TEX26: variants seen among roughly 807,000 people sequenced by gnomAD.
TEX26 encodes testis-expressed protein 26.
Under a neutral mutation model 35.3 loss-of-function variants are expected in TEX26, and 34 were observed. The observed-to-expected ratio is 0.96, with a 90% confidence interval of 0.73 to 1.28. The LOEUF is 1.28. Among genes scored for constraint, TEX26 ranks in the 50% most tolerant of loss-of-function variants. The pLI is 0.00. For missense variants in TEX26, 371 were observed against 330.1 expected (o/e 1.12, Z -0.96); for synonymous variants, 136 against 111.8 (o/e 1.22, Z -1.36).
At chr13:30,954,158 A>T (rs1954034701) in intron 3 of TEX26, among the ~76,000 whole-genome samples, 1 of 152,036 alleles carries the variant, frequency 6.6e-6, no homozygotes, top group Non-Finnish European at 1.5e-5. Context: ...TGAGCTGGAC[A>T]TATGGACTTG....
chr13:30,969,099 C>A, intron 6 of TEX26, 53 bp downstream of exon 6: 1 of 1,487,212 alleles, frequency 6.7e-7, no homozygotes, highest in Non-Finnish European at 9.0e-7. Context: ...ATTGCTTTTG[C>A]CAAATAGAAA....
At chr13:30,963,532 A>G (rs1954426529) in intron 4 of TEX26, among the ~76,000 whole-genome samples, 1 of 152,244 alleles carries the variant, frequency 6.6e-6, no homozygotes, top group South Asian at 2.1e-4. Context: ...ATAGTTTACT[A>G]GGAGTTACCT....
intron 1 of TEX26, chr13:30,933,755 C>T (rs1415341787): frequency 6.6e-6 from 1 of 152,128 alleles, no homozygotes; most frequent in Non-Finnish European, 1.5e-5. Flanking sequence ...GGATCCCCTC[C>T]TAGCATCCCG....
At chr13:30,939,517 T>G (rs1230359764) in intron 1 of TEX26, among the ~76,000 whole-genome samples, 177 bp from the exon 2 acceptor site, 1 of 152,228 alleles carries the variant, frequency 6.6e-6, no homozygotes, top group African/African-American at 2.4e-5. Context: ...GTGAAACAGA[T>G]AAGTCGAACT....
At chr13:30,970,962 T>C (rs1446462860) in intron 6 of TEX26, among the ~76,000 whole-genome samples, 1 of 152,240 alleles carries the variant, frequency 6.6e-6, no homozygotes, top group Non-Finnish European at 1.5e-5. Context: ...GGGTTTTGTT[T>C]CTTCTTAGCT....
chr13:30,939,165 G>A (rs1269715060), intron 1 of TEX26, among the ~76,000 whole-genome samples: 1 of 152,250 alleles, frequency 6.6e-6, no homozygotes, highest in East Asian at 1.9e-4. Flanking sequence ...ACCTCCACAT[G>A]TATGCAAAGA....
intron 2 of TEX26, among the ~76,000 whole-genome samples, chr13:30,947,891 C>G (rs1302343250): frequency 6.6e-6 from 1 of 151,902 alleles, no homozygotes; most frequent in Non-Finnish European, 1.5e-5. Flanking sequence ...CCTCCCCTCT[C>G]CCCCCACCCC....
Position 30,968,327 on chromosome 13 carries a change from T to TA in TEX26, c.647-555dup, listed in dbSNP as rs201043692. Among the ~76,000 whole-genome samples, 141 of 152,244 alleles carry TA rather than the reference T, an allele frequency of 9.3e-4. No individual in the cohort carries two copies. The East Asian group carries it at 0.026, about 28-fold the overall frequency. ...TAGCAGCCCCCAGAGAGAATGATGGTAAAGGTTTCTTTTAGACCTATGAAG... is the reference window on the plus strand; with the variant it reads ...TAGCAGCCCCCAGAGAGAATGATGGTAAAAGGTTTCTTTTAGACCTATGAAG... On this transcript the variant is annotated intron_variant, in intron 5 of 6. Coordinates refer to ENST00000380473, the MANE Select transcript of TEX26 (RefSeq NM_152325.3).
chr13:30,974,312 A>G (rs73455629), intron 6 of TEX26, among the ~76,000 whole-genome samples: 7,506 of 151,708 alleles, frequency 0.049, 618 homozygotes, highest in African/African-American at 0.17. Flanking sequence ...ATCGGTGAGT[A>G]AAAAAACAGC....
chr13:30,965,072 C>G (rs1342133646), intron 4 of TEX26, among the ~76,000 whole-genome samples: 1 of 152,114 alleles, frequency 6.6e-6, no homozygotes, highest in African/African-American at 2.4e-5. Flanking sequence ...ATTTTGAGCC[C>G]CACAAGTTCC....
intron 2 of TEX26, among the ~76,000 whole-genome samples, chr13:30,944,223 A>G (rs1953617253): frequency 6.6e-6 from 1 of 151,868 alleles, no homozygotes; most frequent in Non-Finnish European, 1.5e-5. Flanking sequence ...CATTTCCTCT[A>G]GATTTTCTAG....
At chr13:30,972,326 A>G (rs1484120816) in intron 6 of TEX26, among the ~76,000 whole-genome samples, 1 of 152,158 alleles carries the variant, frequency 6.6e-6, no homozygotes, top group African/African-American at 2.4e-5. Context: ...TTTGACTTAC[A>G]ACTGGTAGCC....
chr13:30,950,509 C>T (rs1244676341), intron 2 of TEX26, among the ~76,000 whole-genome samples: 2 of 152,158 alleles, frequency 1.3e-5, no homozygotes, highest in African/African-American at 4.8e-5. Context: ...TGATAAATGC[C>T]TATCTTTAAA....
At chr13:30,934,450 T>C (rs1478979469) in intron 1 of TEX26, among the ~76,000 whole-genome samples, 2 of 152,210 alleles carry the variant, frequency 1.3e-5, no homozygotes, top group Admixed American at 1.3e-4. Flanking sequence ...TTCCTGTGGC[T>C]GCTATGTGTT....
intron 1 of TEX26, chr13:30,936,675 A>G (rs1367408735): frequency 6.4e-5 from 63 of 985,300 alleles, no homozygotes; most frequent in Non-Finnish European, 7.6e-5. Context: ...GGCCAGGTCA[A>G]GACTCTGTGT....
chr13:30,936,425 G>A lies in TEX26; in HGVS notation c.62-3269G>A, dbSNP rs144272890. ...TCTCATACCTCATGCTACTTCCTCT[G>A]TAAATTGTTTTACTTCATGTCCTGT... On this transcript the variant is annotated intron_variant, in intron 1 of 6. Coordinates refer to ENST00000380473, the MANE Select transcript of TEX26 (RefSeq NM_152325.3). 5.0e-3 allele frequency among the ~76,000 whole-genome samples: 755 copies of A among 152,204 alleles called. 4 individuals carry two copies. The highest frequency in any genetic ancestry group is 7.3e-3 in the Non-Finnish European group (497 of 68,004).
rs572551159 is a variant in TEX26 at position 30,948,202 on chromosome 13, G to A, written c.147-4458G>A. Reference sequence around the variant, plus strand: ...GTGAATAGTGCCGCAATAAACATACGTGTGCATGTGTCTTTATAGCAGCAT... The same window carrying A: ...GTGAATAGTGCCGCAATAAACATACATGTGCATGTGTCTTTATAGCAGCAT... On this transcript the variant is annotated intron_variant, in intron 2 of 6. Transcript: ENST00000380473. Among the ~76,000 whole-genome samples, 38 of 152,200 alleles carry A rather than the reference G, an allele frequency of 2.5e-4. No homozygotes were observed. In the East Asian group the frequency reaches 7.1e-3, roughly 29 times the overall value.
At chr13:30,944,401 C>G (rs1049369194) in intron 2 of TEX26, among the ~76,000 whole-genome samples, 1 of 151,910 alleles carries the variant, frequency 6.6e-6, no homozygotes, top group Middle Eastern at 3.4e-3. Flanking sequence ...TTTCAAAGAA[C>G]AAGCTTTTTG....
intron 4 of TEX26, 25 bp downstream of exon 4, chr13:30,957,054 T>C (rs777558162): frequency 3.6e-5 from 58 of 1,608,714 alleles, no homozygotes; most frequent in Non-Finnish European, 4.8e-5. Context: ...TTTTCTTTTT[T>C]TCCTGGGTCA....
Sources: allele counts gnomAD v4.1 joint callset (sites outside exome capture counted in the v4.1 genomes callset), GRCh38; gene constraint gnomAD v4.1.1; transcripts MANE v1.5; gene names NCBI Gene and HGNC (gene_info 2026-07-23, HGNC 2026-07-21).